PIGK: variants seen among roughly 807,000 people sequenced by gnomAD.
PIGK encodes phosphatidylinositol glycan anchor biosynthesis class K.
A neutral mutation model predicts 50.6 loss-of-function variants in PIGK; 42 were observed. That is an observed-to-expected ratio of 0.83 (90% confidence interval 0.65 to 1.07). PIGK has a LOEUF of 1.07. PIGK is among the 50% of genes least tolerant of loss of function. The pLI, the probability that PIGK is intolerant of heterozygous loss-of-function variation, is 0.00. For missense variants in PIGK, 448 were observed against 488.7 expected, an observed-to-expected ratio of 0.92 and a Z score of 0.78; for synonymous variants, 151 against 156.0, an observed-to-expected ratio of 0.97 and a Z score of 0.24.
At chr1:77,195,384 GC>G in intron 3 of PIGK, 1 of 1,192,948 alleles carries the variant, frequency 8.4e-7, no homozygotes. Flanking sequence ...ACATCAGCAC[GC>G]AGAGTGCTAA....
intron 3 of PIGK, among the ~76,000 whole-genome samples, chr1:77,200,640 GAATT>G (rs1656142471): frequency 1.3e-5 from 2 of 152,100 alleles, no homozygotes; most frequent in South Asian, 4.1e-4. Flanking sequence ...TATATTAAAA[GAATT>G]CATTCATTAT....
At chr1:77,187,976 C>A (rs925942834) in intron 3 of PIGK, among the ~76,000 whole-genome samples, 6 of 152,286 alleles carry the variant, frequency 3.9e-5, no homozygotes, top group African/African-American at 1.4e-4. Context: ...CCAATCAATA[C>A]CCTTGTGATT....
chr1:77,190,609 C>G (rs1655880057), intron 3 of PIGK, among the ~76,000 whole-genome samples: 2 of 152,082 alleles, frequency 1.3e-5, no homozygotes, highest in Non-Finnish European at 2.9e-5. Context: ...AGCACTAGAG[C>G]ATATAATTTC....
chr1:77,175,184 G>A (rs1185490118), intron 3 of PIGK, among the ~76,000 whole-genome samples: 1 of 152,102 alleles, frequency 6.6e-6, no homozygotes, highest in Admixed American at 6.6e-5. Context: ...AAACTGCTTT[G>A]ACTTTTGAAA....
intron 3 of PIGK, chr1:77,195,467 GA>G: frequency 2.4e-6 from 2 of 836,228 alleles, no homozygotes; most frequent in Non-Finnish European, 1.8e-6. Flanking sequence ...GTTTGACTCA[GA>G]AAAAAAGAAA....
Position 77,092,257 on chromosome 1 carries a change from G to T in PIGK, c.*117C>A. On this transcript the variant is annotated 3_prime_UTR_variant, in exon 11 of 11. Transcript: ENST00000370812. ...AAAATTAATAGTTGATTCAAATTTA[G>T]TTTCCTTATACTTATTTCCAATTCA... The T allele has an allele frequency of 1.9e-6, 1 of 526,902 alleles. No homozygotes were observed. Among genetic ancestry groups the T allele is most frequent in the Non-Finnish European group, 3.4e-6 (1 of 297,022 alleles). 32.6% of individuals were successfully genotyped at this position (526,902 alleles called of 1,614,324 possible).
intron 9 of PIGK, among the ~76,000 whole-genome samples, chr1:77,138,066 C>A (rs1462130521): frequency 6.6e-6 from 1 of 152,094 alleles, no homozygotes; most frequent in Admixed American, 6.5e-5. Flanking sequence ...TGTTCATATG[C>A]CCTGTATTGT....
At chr1:77,143,174 G>A (rs531991783) in intron 9 of PIGK, among the ~76,000 whole-genome samples, 42 of 152,176 alleles carry the variant, frequency 2.8e-4, no homozygotes, top group African/African-American at 9.9e-4. Context: ...TGATAAGCTA[G>A]AAATAAAGAT....
At position 77,101,157 on chromosome 1, in the gene PIGK, C is replaced by G. The variant is rs555603167; in HGVS notation, c.1072-8667G>C. Among the ~76,000 whole-genome samples, 9 of 152,072 alleles carry G rather than the reference C, an allele frequency of 5.9e-5. No individual in the cohort carries two copies. In the East Asian group the frequency reaches 1.7e-3, roughly 29 times the overall value. On this transcript the variant is annotated intron_variant, in intron 10 of 10. Transcript: ENST00000370812. ...ATGAAACTATTTATTACATCTGATACTAAAAAAAATGCAAGGAATCTACTT... is the reference window on the plus strand; with the variant it reads ...ATGAAACTATTTATTACATCTGATAGTAAAAAAAATGCAAGGAATCTACTT...
chr1:77,106,485 G>C (rs1392180218), intron 10 of PIGK, among the ~76,000 whole-genome samples: 1 of 152,046 alleles, frequency 6.6e-6, no homozygotes, highest in Non-Finnish European at 1.5e-5. Context: ...GTTTGAAAAA[G>C]TATTTTTAAC....
intron 9 of PIGK, among the ~76,000 whole-genome samples, chr1:77,149,779 T>C (rs1167277829): frequency 1.3e-5 from 2 of 152,198 alleles, no homozygotes; most frequent in African/African-American, 4.8e-5. Flanking sequence ...TTCAGTCTGC[T>C]GCTGCAGATT....
At chr1:77,191,340 G>A (rs542368894) in intron 3 of PIGK, among the ~76,000 whole-genome samples, 18 of 152,160 alleles carry the variant, frequency 1.2e-4, no homozygotes, top group East Asian at 7.7e-4. Context: ...ATATTCTCAC[G>A]TTCAACAGAA....
At chr1:77,153,518 C>A (rs1489522928) in intron 9 of PIGK, 1 of 151,966 alleles carries the variant, frequency 6.6e-6, no homozygotes, top group Non-Finnish European at 1.5e-5. Flanking sequence ...AAAGAAAAGA[C>A]AAATGTCTGA....
chr1:77,192,023 T>TC (rs1350028831), intron 3 of PIGK, among the ~76,000 whole-genome samples: 1 of 152,112 alleles, frequency 6.6e-6, no homozygotes, highest in East Asian at 1.9e-4. Context: ...TTGTCCCAGC[T>TC]ACTCAGGAGA....
chr1:77,174,813 A>C (rs905415054), intron 3 of PIGK, among the ~76,000 whole-genome samples: 14 of 152,106 alleles, frequency 9.2e-5, no homozygotes, highest in Admixed American at 8.5e-4. Context: ...ATCTGTAGAA[A>C]CTGCATGTTC....
In PIGK at chr1:77,119,303, A is replaced by AT. The variant is rs1491496376; in HGVS notation, c.1071+2971dup. Among the ~76,000 whole-genome samples, 5 of 152,332 alleles carry AT rather than the reference A, an allele frequency of 3.3e-5. No individual in the cohort carries two copies. In the East Asian group the frequency reaches 9.6e-4, roughly 29 times the overall value. ...TGGTATGTCTTTCTGTTTCTGAAACATAGTACTTTCCATGATTCTTATTAT... is the reference window on the plus strand; with the variant it reads ...TGGTATGTCTTTCTGTTTCTGAAACATTAGTACTTTCCATGATTCTTATTAT... On this transcript the variant is annotated intron_variant, in intron 10 of 10. Coordinates refer to ENST00000370812, the MANE Select transcript of PIGK (RefSeq NM_005482.3).
chr1:77,094,375 G>A (rs72681881), intron 10 of PIGK, among the ~76,000 whole-genome samples: 5,650 of 152,096 alleles, frequency 0.037, 206 homozygotes, highest in South Asian at 0.21. Flanking sequence ...GTCAAAATCT[G>A]GCACCAATGT....
chr1:77,099,975 C>T (rs1322965212), intron 10 of PIGK, among the ~76,000 whole-genome samples: 1 of 151,958 alleles, frequency 6.6e-6, no homozygotes, highest in Non-Finnish European at 1.5e-5. Flanking sequence ...ATTGAAATGC[C>T]TTAATATTTC....
At chr1:77,214,834 C>A (rs1385795344) in intron 1 of PIGK, among the ~76,000 whole-genome samples, 4 of 152,072 alleles carry the variant, frequency 2.6e-5, no homozygotes, top group African/African-American at 9.7e-5. Flanking sequence ...AGACAAAAAT[C>A]AATGGCGTTT....
Sources: gnomAD v4.1 joint callset for allele counts (sites outside exome capture counted in the v4.1 genomes callset) on GRCh38, gnomAD v4.1.1 for gene constraint, MANE v1.5 for transcripts, NCBI Gene and HGNC (gene_info 2026-07-23, HGNC 2026-07-21) for gene names.